ZNF341: variants seen among roughly 807,000 people sequenced by gnomAD.
ZNF341 encodes the protein zinc finger protein 341.
In ZNF341, 52 loss-of-function variants were observed where a neutral mutation model predicts 87.7. The observed-to-expected ratio is 0.59, with a 90% CI of 0.47 to 0.75. The LOEUF (loss-of-function observed/expected upper bound fraction) is 0.75, where lower values mean the gene tolerates loss of function less well. ZNF341 is among the 30% of genes least tolerant of loss of function. The probability of loss-of-function intolerance (pLI) is 0.00; values close to 1 mark genes in which losing one functional copy is unlikely to be tolerated. For missense variants in ZNF341, 977 were observed against 1,145.9 expected (o/e 0.85, Z 2.13); for synonymous variants, 459 against 472.7 (o/e 0.97, Z 0.38).
chr20:33,786,015 C>G (rs2019850974), intron 12 of ZNF341, among the ~76,000 whole-genome samples: 1 of 132,144 alleles, frequency 7.6e-6, no homozygotes, highest in African/African-American at 2.8e-5. Flanking sequence ...AGCCAGTTCT[C>G]TATGTATGAA....
At chr20:33,776,874 G>T (rs2019637286) in intron 10 of ZNF341, among the ~76,000 whole-genome samples, 1 of 151,148 alleles carries the variant, frequency 6.6e-6, no homozygotes, top group Non-Finnish European at 1.5e-5. Flanking sequence ...TGCCCAGGCT[G>T]GTCTTGAACT....
At chr20:33,736,529 G>A (rs980176666) in intron 1 of ZNF341, among the ~76,000 whole-genome samples, 1 of 152,048 alleles carries the variant, frequency 6.6e-6, no homozygotes, top group Non-Finnish European at 1.5e-5. Flanking sequence ...GTTCACTGTT[G>A]CCCAGGCTGG....
chr20:33,734,611 G>A (rs187037335), intron 1 of ZNF341, among the ~76,000 whole-genome samples: 2 of 152,308 alleles, frequency 1.3e-5, no homozygotes, highest in African/African-American at 4.8e-5. Context: ...CCCAGAGGGT[G>A]CCCTGGTGCC....
chr20:33,761,788 G>A, intron 7 of ZNF341, 74 bp from the exon 8 acceptor site: 9 of 1,290,640 alleles, frequency 7.0e-6, no homozygotes. Context: ...GGCCTTCCTT[G>A]TGGCTGTGAG....
chr20:33,777,693 A>G (rs1264075519), intron 10 of ZNF341, among the ~76,000 whole-genome samples: 2 of 152,094 alleles, frequency 1.3e-5, no homozygotes, highest in South Asian at 2.1e-4. Flanking sequence ...CAATTCTATT[A>G]TCTAATTACA....
At position 33,747,632 on chromosome 20, in the gene ZNF341, A is replaced by AAC. The variant is rs1183413907; in HGVS notation, c.340-1290_340-1289insCA. Among the ~76,000 whole-genome samples, 11 of 132,602 alleles carry AAC rather than the reference A, an allele frequency of 8.3e-5. 4 individuals carry two copies. The highest frequency in any genetic ancestry group is 4.2e-4 in the African/African-American group (11 of 26,178). The allele number at this position is 132,602 out of a possible 152,430, so 87.0% of individuals were successfully genotyped here. On this transcript the variant is annotated intron_variant, in intron 3 of 14. Coordinates refer to ENST00000375200, the MANE Select transcript of ZNF341 (RefSeq NM_001282933.2). Reference sequence around the variant, plus strand: ...TCCGTCTCAAAAAAAAAAAAAAAAAAAAAAAAAAAACACAGTCATTTTTCT... The same window carrying AAC: ...TCCGTCTCAAAAAAAAAAAAAAAAAAACAAAAAAAAAACACAGTCATTTTTCT...
intron 7 of ZNF341, among the ~76,000 whole-genome samples, chr20:33,759,678 G>A (rs2019253104): frequency 6.6e-6 from 1 of 152,118 alleles, no homozygotes; most frequent in African/African-American, 2.4e-5. Context: ...CAGTCCTTAG[G>A]AAGTCATAGA....
At chr20:33,760,684 C>T (rs1161380303) in intron 7 of ZNF341, among the ~76,000 whole-genome samples, 1 of 151,984 alleles carries the variant, frequency 6.6e-6, no homozygotes, top group Non-Finnish European at 1.5e-5. Flanking sequence ...GCTGAGACCA[C>T]AGGCTCGCTC....
chr20:33,764,543 G>GTGTATATATATATATATATATATA (rs1332743148), intron 8 of ZNF341, among the ~76,000 whole-genome samples: 8 of 69,336 alleles, frequency 1.2e-4, no homozygotes, highest in Non-Finnish European at 1.6e-4. Context: ...GTGTGTATGT[G>GTGTATATATATATATATATATATA]TATATATATA....
rs930078357 is a variant in ZNF341, at chr20:33,773,243, C to T, written c.1622+2951C>T. Reference sequence around the variant, plus strand: ...TAACAACATCAGCAGAGTTTAGATTCGAACCCTAGTGTGAGATCTTGGAAG... The same window carrying T: ...TAACAACATCAGCAGAGTTTAGATTTGAACCCTAGTGTGAGATCTTGGAAG... On this transcript the variant is annotated intron_variant, in intron 10 of 14. Transcript: ENST00000375200. Among the ~76,000 whole-genome samples the T allele has an allele frequency of 2.6e-5, 4 of 152,186 alleles. No homozygotes were observed. In the East Asian group the frequency reaches 5.8e-4, roughly 22 times the overall value.
Position 33,732,838 on chromosome 20 carries a change from A to G in ZNF341, c.31+786A>G, listed in dbSNP as rs983623128. 6.6e-5 allele frequency among the ~76,000 whole-genome samples: 10 copies of G among 152,188 alleles called. No homozygotes were observed. The highest frequency in any genetic ancestry group is 2.2e-4 in the African/African-American group (9 of 41,450). ...AAACACTGAGCACCTCCATGTGTGCATCTGCTGGGCGTCGGGGAGGAAGGG... is the reference window on the plus strand; with the variant it reads ...AAACACTGAGCACCTCCATGTGTGCGTCTGCTGGGCGTCGGGGAGGAAGGG... On this transcript the variant is annotated intron_variant, in intron 1 of 14. Coordinates refer to ENST00000375200, the MANE Select transcript of ZNF341 (RefSeq NM_001282933.2). The surrounding 1 kb of genome is among the most constrained non-coding windows in gnomAD (Gnocchi z 4.5).
chr20:33,738,062 G>C (rs1359704353), intron 1 of ZNF341, among the ~76,000 whole-genome samples: 1 of 151,576 alleles, frequency 6.6e-6, no homozygotes, highest in Non-Finnish European at 1.5e-5. Flanking sequence ...GCTTGAACCC[G>C]GGAGACAGAG....
At chr20:33,777,203 G>C (rs892215570) in intron 10 of ZNF341, among the ~76,000 whole-genome samples, 1 of 148,944 alleles carries the variant, frequency 6.7e-6, no homozygotes, top group East Asian at 2.0e-4. Context: ...TATGCCTGTG[G>C]TCTCAGCTGC....
intron 12 of ZNF341, among the ~76,000 whole-genome samples, chr20:33,786,751 C>T (rs1732321631): frequency 6.6e-6 from 1 of 151,818 alleles, no homozygotes; most frequent in South Asian, 2.1e-4. Flanking sequence ...GGTGGAGCAC[C>T]TAGGTCAAGA....
chr20:33,760,865 C>T (rs1007711487), intron 7 of ZNF341, among the ~76,000 whole-genome samples: 1 of 152,072 alleles, frequency 6.6e-6, no homozygotes, highest in Non-Finnish European at 1.5e-5. Context: ...TTAAATAGCC[C>T]CATATGGCTT....
At chr20:33,748,900 A>T in intron 3 of ZNF341, 23 bp from the exon 4 acceptor site, 10 of 1,596,956 alleles carry the variant, frequency 6.3e-6, no homozygotes, top group Non-Finnish European at 7.7e-6. Flanking sequence ...CGTCTCACTC[A>T]TTCTCTCTCT....
At chr20:33,743,763 C>A (rs1481328801) in intron 2 of ZNF341, among the ~76,000 whole-genome samples, 6 of 152,144 alleles carry the variant, frequency 3.9e-5, no homozygotes, top group Non-Finnish European at 8.8e-5. Context: ...TGTGGTAGGC[C>A]CTCAGCAATG....
rs367899642 is a variant in ZNF341 at position 33,767,241 on chromosome 20, T to C, written c.1413+200T>C. 9.5e-4 allele frequency among the ~76,000 whole-genome samples: 145 copies of C among 152,084 alleles called. 1 individual carries two copies. Among genetic ancestry groups the C allele is most frequent in the African/African-American group, 3.4e-3 (141 of 41,488 alleles). On this transcript the variant is annotated intron_variant, in intron 9 of 14. Transcript: ENST00000375200. The stretch of plus-strand genomic sequence containing the variant: ...GGGGCAAATCACAGAAAACTTTGAC[T>C]CTCCTCCAGACCTGAGACAGCTGAC...
intron 11 of ZNF341, among the ~76,000 whole-genome samples, chr20:33,783,456 CT>C (rs2019783895): frequency 6.6e-6 from 1 of 152,078 alleles, no homozygotes; most frequent in African/African-American, 2.4e-5. Flanking sequence ...CGAGTTGGGT[CT>C]TGAAGGATGT....
Sources: allele counts gnomAD v4.1 joint callset (sites outside exome capture counted in the v4.1 genomes callset), GRCh38; gene constraint gnomAD v4.1.1; non-coding constraint Gnocchi (gnomAD v3.1); transcripts MANE v1.5; gene names NCBI Gene and HGNC (gene_info 2026-07-23, HGNC 2026-07-21).